ARFGEF3: variants seen among roughly 807,000 people sequenced by gnomAD.
ARFGEF3 encodes brefeldin A-inhibited guanine nucleotide-exchange protein 3.
In ARFGEF3, 96 loss-of-function variants were observed where a neutral mutation model predicts 221.7. The ratio of observed to expected loss-of-function variants is 0.43; its 90% CI spans 0.37 to 0.51. ARFGEF3 has a LOEUF of 0.51. Ranked by LOEUF, ARFGEF3 falls within the 20% of genes least tolerant of loss-of-function variation. ARFGEF3 has a pLI of 0.00. For synonymous variants in ARFGEF3, 1,145 were observed against 1,126.8 expected (o/e 1.02, Z -0.32); for missense variants, 2,410 against 2,789.9 (o/e 0.86, Z 3.07).
chr6:138,258,430 A>G (rs1778725669), intron 10 of ARFGEF3, among the ~76,000 whole-genome samples: 1 of 152,160 alleles, frequency 6.6e-6, no homozygotes, highest in South Asian at 2.1e-4. Flanking sequence ...GACTTGCCCA[A>G]AGTCCTTCAT....
Position 138,307,248 on chromosome 6 carries a change from A to G in ARFGEF3, c.3829-5A>G, listed in dbSNP as rs1055354471. 32 of 1,613,198 alleles carry G rather than the reference A, an allele frequency of 2.0e-5. No individual in the cohort carries two copies. The highest frequency in any genetic ancestry group is 2.5e-5 in the Non-Finnish European group (30 of 1,179,482). ...TTTAAGTGCCACTTGCTTTGCCTCT[A>G]CCAGGTTGTCACATCCATTGGTGAG... On this transcript the variant is annotated splice_polypyrimidine_tract_variant and splice_region_variant and intron_variant, in intron 22 of 33. Coordinates refer to ENST00000251691, the MANE Select transcript of ARFGEF3 (RefSeq NM_020340.5).
chr6:138,209,729 T>C (rs1166770140), intron 3 of ARFGEF3, among the ~76,000 whole-genome samples, 181 bp from the exon 4 acceptor site: 1 of 152,200 alleles, frequency 6.6e-6, no homozygotes, highest in Admixed American at 6.5e-5. Flanking sequence ...ATTACAGGCA[T>C]GAGCCACTGC....
chr6:138,288,305 G>T lies in ARFGEF3; in HGVS notation c.2896+1121G>T, dbSNP rs577404788. On this transcript the variant is annotated intron_variant, in intron 17 of 33. Coordinates refer to ENST00000251691, the MANE Select transcript of ARFGEF3 (RefSeq NM_020340.5). ...AGGCTGAGGTGGGAGGATCACCTGA[G>T]CCTGGGGAGGTTCAGGCTGCAGTGA... 1.6e-3 allele frequency among the ~76,000 whole-genome samples: 246 copies of T among 152,110 alleles called. 1 individual carries two copies. The highest frequency in any genetic ancestry group is 5.8e-3 in the African/African-American group (240 of 41,486).
chr6:138,206,484 T>A (rs190139565), intron 2 of ARFGEF3, among the ~76,000 whole-genome samples: 4 of 152,320 alleles, frequency 2.6e-5, no homozygotes, highest in Admixed American at 2.6e-4. Context: ...GACTCAGATC[T>A]ACTTCTTGAT....
chr6:138,162,241 C>G lies in ARFGEF3; in HGVS notation c.85+70C>G. ...CCGGGGCTGAACCCGCGCCTCCGCGCGTGGGGCTTTCGCGGAGCGTCGGTC... is the reference window on the plus strand; with the variant it reads ...CCGGGGCTGAACCCGCGCCTCCGCGGGTGGGGCTTTCGCGGAGCGTCGGTC... On this transcript the variant is annotated intron_variant, in intron 1 of 33. Transcript: ENST00000251691. The surrounding 1 kb of genome is among the most constrained non-coding windows in gnomAD (Gnocchi z 4.7). 1.7e-6 allele frequency: 2 copies of G among 1,174,614 alleles called. No individual in the cohort carries two copies. Among genetic ancestry groups the G allele is most frequent in the Non-Finnish European group, 2.4e-6 (2 of 834,028 alleles). The allele number at this position is 1,174,614 out of a possible 1,614,324, so 72.8% of individuals were successfully genotyped here. A position where few individuals can be genotyped will look rare whatever the true frequency, so the allele number is the denominator to read the frequency against.
intron 12 of ARFGEF3, among the ~76,000 whole-genome samples, chr6:138,274,299 C>T (rs1365898743): frequency 6.6e-6 from 1 of 152,150 alleles, no homozygotes; most frequent in Non-Finnish European, 1.5e-5. Flanking sequence ...GTTAAACACC[C>T]AATCCTGAAT....
rs1776645544 is a variant in ARFGEF3 at position 138,162,826 on chromosome 6, C to T, written c.85+655C>T. ...AGACTCAGGTTGCAGAACTCAGCAG[C>T]GGAAAAAAACGGAAAGACATTTCAG... On this transcript the variant is annotated intron_variant, in intron 1 of 33. Transcript: ENST00000251691. This position sits in a 1 kb window ranked among gnomAD's most constrained non-coding sequence, Gnocchi z 4.7. Among the ~76,000 whole-genome samples, 1 of 151,916 alleles carries T rather than the reference C, an allele frequency of 6.6e-6. No homozygotes were observed. Among genetic ancestry groups the T allele is most frequent in the Non-Finnish European group, 1.5e-5 (1 of 67,988 alleles).
At chr6:138,192,887 A>G (rs77260687) in intron 2 of ARFGEF3, among the ~76,000 whole-genome samples, 2 of 152,142 alleles carry the variant, frequency 1.3e-5, no homozygotes, top group Admixed American at 1.3e-4. Context: ...CCTGAATTTG[A>G]CCAAGAGTAG....
intron 12 of ARFGEF3, among the ~76,000 whole-genome samples, chr6:138,271,736 T>C (rs951375506): frequency 2.6e-5 from 4 of 152,206 alleles, no homozygotes; most frequent in African/African-American, 9.6e-5. Flanking sequence ...TAACTTACTT[T>C]CTAGTTAATA....
At chr6:138,201,358 A>T (rs531916683) in intron 2 of ARFGEF3, among the ~76,000 whole-genome samples, 1 of 152,250 alleles carries the variant, frequency 6.6e-6, no homozygotes, top group South Asian at 2.1e-4. Flanking sequence ...TTCAGAAAAG[A>T]TACTTGCACA....
chr6:138,255,160 GC>G (rs1343032907), intron 9 of ARFGEF3, among the ~76,000 whole-genome samples: 1 of 152,138 alleles, frequency 6.6e-6, no homozygotes, highest in Non-Finnish European at 1.5e-5. Flanking sequence ...CTTTATAACA[GC>G]CATTTAGCAT....
chr6:138,269,248 T>C (rs1319432436), intron 12 of ARFGEF3, among the ~76,000 whole-genome samples: 4 of 152,242 alleles, frequency 2.6e-5, no homozygotes, highest in African/African-American at 9.6e-5. Flanking sequence ...CTTCTTCCCC[T>C]GTCTCTTCAC....
chr6:138,195,509 A>C (rs775346499), intron 2 of ARFGEF3, among the ~76,000 whole-genome samples: 3 of 152,168 alleles, frequency 2.0e-5, no homozygotes, highest in Non-Finnish European at 4.4e-5. Context: ...TGTACGGTAT[A>C]TAATCTGCAT....
Position 138,245,568 on chromosome 6 carries a change from T to C in ARFGEF3, c.642T>C (p.Cys214=). The change falls in exon 8 of 34, where the codon TGT becomes TGC. Residue 214 remains cysteine (C), a synonymous_variant. Transcript: ENST00000251691. Reference sequence around the variant, plus strand: ...TTGTCTCTGTACTCACCGTCCTGTGTGAGAAGCTGCAAGCCGCCATAAAGT... The same window carrying C: ...TTGTCTCTGTACTCACCGTCCTGTGCGAGAAGCTGCAAGCCGCCATAAAGT... ...DDVVSVLTVL[C]EKLQAAINDS... is the part of the protein sequence containing the mutation. The C allele has an allele frequency of 6.2e-7, 1 of 1,609,396 alleles. No individual in the cohort carries two copies. The highest frequency in any genetic ancestry group is 8.5e-7 in the Non-Finnish European group (1 of 1,178,088).
At chr6:138,235,442 T>G (rs1168571591) in intron 5 of ARFGEF3, among the ~76,000 whole-genome samples, 1 of 152,196 alleles carries the variant, frequency 6.6e-6, no homozygotes, top group Non-Finnish European at 1.5e-5. Flanking sequence ...GTGTTGATTC[T>G]GCATAATGAA....
At chr6:138,206,940 A>G (rs771886060) in intron 2 of ARFGEF3, 102 bp from the exon 3 acceptor site, 135 of 764,204 alleles carry the variant, frequency 1.8e-4, no homozygotes, top group Non-Finnish European at 2.8e-4. Flanking sequence ...GTTTTTGTGT[A>G]TGTGTGTAGT....
At chr6:138,250,864 C>T (rs759667754) in intron 8 of ARFGEF3, among the ~76,000 whole-genome samples, 27 of 152,214 alleles carry the variant, frequency 1.8e-4, no homozygotes, top group Admixed American at 6.5e-4. Flanking sequence ...ATTTTTCCCT[C>T]ATGTGTTTTG....
Position 138,328,099 on chromosome 6 carries a change from G to T in ARFGEF3, c.5080G>T (p.Glu1694Ter). ...DHAQSCQLII[E>*]LPPDEKPNGH... The stretch of plus-strand genomic sequence containing the variant: ...CGCTCAGTCCTGCCAGCTCATTATT[G>T]AGCTGCCTCCTGATGAAAAACCAAA... The change falls in exon 32 of 34, where the codon GAG (glutamate) becomes TAG (stop). Residue 1694 changes from glutamate (E) to a stop codon, truncating the protein, a stop_gained. Coordinates refer to ENST00000251691, the MANE Select transcript of ARFGEF3 (RefSeq NM_020340.5). LOFTEE classifies it high-confidence loss of function. The T allele has an allele frequency of 6.3e-7, 1 of 1,583,534 alleles. No homozygotes were observed. The highest frequency in any genetic ancestry group is 1.2e-5 in the South Asian group (1 of 86,326).
Position 138,340,898 on chromosome 6 carries a change from G to A in ARFGEF3, c.*4412G>A, listed in dbSNP as rs1420202603. On this transcript the variant is annotated 3_prime_UTR_variant, in exon 34 of 34. Coordinates refer to ENST00000251691, the MANE Select transcript of ARFGEF3 (RefSeq NM_020340.5). Reference sequence around the variant, plus strand: ...CAGATCTGTCTGGGATGTTATGGAGGTTTTTAAAAATAAAGTTGAAAAAAG... The same window carrying A: ...CAGATCTGTCTGGGATGTTATGGAGATTTTTAAAAATAAAGTTGAAAAAAG... The A allele has an allele frequency of 1.3e-5, 2 of 151,992 alleles. No homozygotes were observed. The highest frequency in any genetic ancestry group is 4.8e-5 in the African/African-American group (2 of 41,380). 9.4% of individuals were successfully genotyped at this position (151,992 alleles called of 1,614,324 possible). A position where few individuals can be genotyped will look rare whatever the true frequency, so the allele number is the denominator to read the frequency against.
Sources: gnomAD v4.1 joint callset for allele counts (sites outside exome capture counted in the v4.1 genomes callset) on GRCh38, gnomAD v4.1.1 for gene constraint, Gnocchi (gnomAD v3.1) non-coding constraint, MANE v1.5 for transcripts, NCBI Gene and HGNC (gene_info 2026-07-23, HGNC 2026-07-21) for gene names.